Variants in RTL4 observed in about 807,000 individuals in gnomAD.
RTL4 encodes the protein retrotransposon Gag-like protein 4.
Under a neutral mutation model 5.3 loss-of-function variants are expected in RTL4, and 4 were observed. That is an observed-to-expected ratio of 0.75 (90% confidence interval 0.37 to 1.72). RTL4 has a LOEUF of 1.72. Among genes scored for constraint, RTL4 ranks in the 40% most tolerant of loss-of-function variants. The pLI is 0.04. For missense variants in RTL4, 260 were observed against 227.1 expected (o/e 1.14, Z -0.93); for synonymous variants, 98 against 87.3 (o/e 1.12, Z -0.68).
chrX:112,337,998 T>C, the RTL4 span, among the ~76,000 whole-genome samples: 2 of 111,974 alleles, frequency 1.8e-5, no homozygotes, highest in Non-Finnish European at 3.8e-5. Context: ...TCTTTTTAGA[T>C]TTTTAGGAGG....
chrX:112,383,791 T>C, the RTL4 span, among the ~76,000 whole-genome samples: 11 of 111,268 alleles, frequency 9.9e-5, no homozygotes, highest in East Asian at 2.3e-3. Flanking sequence ...GAGTTAAACA[T>C]TGGGTACACA....
the RTL4 span, among the ~76,000 whole-genome samples, chrX:112,230,706 T>G: frequency 3.3e-4 from 37 of 111,646 alleles, no homozygotes; most frequent in African/African-American, 1.2e-3. Flanking sequence ...GCAATGGCAA[T>G]AAAAGCCAAA....
the RTL4 span, among the ~76,000 whole-genome samples, chrX:112,124,831 G>A: frequency 1.8e-5 from 2 of 111,767 alleles, no homozygotes; most frequent in Non-Finnish European, 3.8e-5. Context: ...TGAAGCGTCA[G>A]TATTTTCTGT....
At chrX:112,439,563 T>C in the RTL4 span, among the ~76,000 whole-genome samples, 2 of 111,774 alleles carry the variant, frequency 1.8e-5, no homozygotes, top group African/African-American at 6.5e-5. Flanking sequence ...TAAAGAAAAA[T>C]CTGCCAATAC....
the RTL4 span, among the ~76,000 whole-genome samples, chrX:112,414,798 G>A: frequency 9.0e-6 from 1 of 111,590 alleles, no homozygotes; most frequent in South Asian, 3.7e-4. Flanking sequence ...TGGCCTAACT[G>A]TAAGGTCCCT....
the RTL4 span, among the ~76,000 whole-genome samples, chrX:112,203,829 C>G: frequency 8.9e-6 from 1 of 112,206 alleles, no homozygotes; most frequent in Admixed American, 9.5e-5. Context: ...TGCTTAAACA[C>G]AAAATAAAAC....
chrX:112,427,907 T>C, the RTL4 span, among the ~76,000 whole-genome samples: 3 of 109,904 alleles, frequency 2.7e-5, no homozygotes, highest in African/African-American at 9.9e-5. Context: ...ATGTAGTCTT[T>C]TATCCCTCAT....
At chrX:112,156,403 C>T in the RTL4 span, among the ~76,000 whole-genome samples, 1 of 112,223 alleles carries the variant, frequency 8.9e-6, no homozygotes, top group African/African-American at 3.2e-5. Flanking sequence ...GATATCAATG[C>T]TGGATAAAAT....
chrX:112,313,639 A>ACT, the RTL4 span, among the ~76,000 whole-genome samples: 2 of 107,023 alleles, frequency 1.9e-5, no homozygotes, highest in African/African-American at 3.4e-5. Flanking sequence ...TCTCTCACTC[A>ACT]CTCTCTCTCT....
chrX:112,122,430 C>T, the RTL4 span, among the ~76,000 whole-genome samples: 1 of 110,137 alleles, frequency 9.1e-6, no homozygotes, highest in Non-Finnish European at 1.9e-5. Context: ...TTACCAGAGC[C>T]TGGGAAGGGG....
At chrX:112,340,641 A>G in the RTL4 span, among the ~76,000 whole-genome samples, 4 of 100,162 alleles carry the variant, frequency 4.0e-5, no homozygotes, top group Non-Finnish European at 5.8e-5. Flanking sequence ...CGTTAGGACA[A>G]AAAAAAAAGC....
chrX:112,272,007 T>C, the RTL4 span, among the ~76,000 whole-genome samples: 1 of 112,297 alleles, frequency 8.9e-6, no homozygotes. Context: ...TCACCTCACA[T>C]AGTTACCATT....
the RTL4 span, among the ~76,000 whole-genome samples, chrX:112,441,177 G>C: frequency 9.0e-6 from 1 of 110,872 alleles, no homozygotes; most frequent in South Asian, 3.9e-4. Flanking sequence ...TCCAGTAATA[G>C]GAACCTCTTT....
the RTL4 span, among the ~76,000 whole-genome samples, chrX:112,352,112 C>T: frequency 3.6e-5 from 4 of 110,899 alleles, no homozygotes; most frequent in South Asian, 1.1e-3. Flanking sequence ...TATTTTATTT[C>T]TCCTTCACTT....
At chrX:112,161,840 C>CTTTCTTTCTTTCTTTCTTTCTTT in the RTL4 span, among the ~76,000 whole-genome samples, 6 of 40,054 alleles carry the variant, frequency 1.5e-4, no homozygotes, top group African/African-American at 7.3e-4. Flanking sequence ...TTCCTTCCTT[C>CTTTCTTTCTTTCTTTCTTTCTTT]CTTCCTTTCT....
At chrX:112,195,280 A>G in the RTL4 span, among the ~76,000 whole-genome samples, 1 of 112,087 alleles carries the variant, frequency 8.9e-6, no homozygotes, top group Non-Finnish European at 1.9e-5. Context: ...ACAGGAAGCT[A>G]TTTGAAAAAT....
chrX:112,112,325 T>G, the RTL4 span, among the ~76,000 whole-genome samples: 5 of 111,964 alleles, frequency 4.5e-5, no homozygotes, highest in Non-Finnish European at 7.5e-5. Flanking sequence ...TTTCTGCCTC[T>G]GGTTGTCATT....
the RTL4 span, among the ~76,000 whole-genome samples, chrX:112,307,627 TC>T: frequency 2.2e-3 from 241 of 111,229 alleles, 2 homozygotes; most frequent in Non-Finnish European, 3.9e-3. Flanking sequence ...TCTCTCATCT[TC>T]CCTCCATTCC....
chrX:112,419,337 C>CT, the RTL4 span, among the ~76,000 whole-genome samples: 76 of 24,390 alleles, frequency 3.1e-3, 23 homozygotes, highest in South Asian at 7.6e-3. Context: ...TTCCATTCAG[C>CT]TTTTTTTTTT....
Sources: allele counts gnomAD v4.1 joint callset (sites outside exome capture counted in the v4.1 genomes callset), GRCh38; gene constraint gnomAD v4.1.1; transcripts MANE v1.5; gene names NCBI Gene and HGNC (gene_info 2026-07-23, HGNC 2026-07-21).